Variants in NTM observed in about 807,000 individuals in gnomAD.
NTM encodes neurotrimin.
In NTM, 13 loss-of-function variants were observed where a neutral mutation model predicts 42.1. That is an observed-to-expected ratio of 0.31 (90% CI 0.20 to 0.49). The LOEUF is 0.49. Ranked by LOEUF, NTM falls within the 20% of genes least tolerant of loss-of-function variation. The pLI is 0.99. For synonymous variants in NTM, 187 were observed against 179.2 expected (o/e 1.04, Z -0.35); for missense variants, 373 against 452.8 (o/e 0.82, Z 1.60).
intron 1 of NTM, among the ~76,000 whole-genome samples, chr11:131,586,348 C>T (rs780955567): frequency 6.6e-5 from 10 of 152,108 alleles, no homozygotes; most frequent in African/African-American, 1.2e-4. Context: ...AGAATACAGC[C>T]GTAGTGATGG....
intron 1 of NTM, among the ~76,000 whole-genome samples, chr11:131,677,649 C>T (rs1310346094): frequency 6.6e-6 from 1 of 152,172 alleles, no homozygotes; most frequent in Non-Finnish European, 1.5e-5. Flanking sequence ...GAGGGTCAAG[C>T]GCTTTGCCAA....
intron 1 of NTM, chr11:131,767,169 C>A: frequency 1.0e-6 from 1 of 954,344 alleles, no homozygotes; most frequent in Non-Finnish European, 1.2e-6. Context: ...ACTAAATTCT[C>A]AAAGACAAAT....
chr11:131,711,262 A>G (rs1231341335), intron 1 of NTM, among the ~76,000 whole-genome samples: 2 of 152,210 alleles, frequency 1.3e-5, no homozygotes, highest in East Asian at 1.9e-4. Flanking sequence ...AGAATCTACA[A>G]TGAACCCAAA....
chr11:131,500,221 C>T (rs2136357392), intron 1 of NTM, among the ~76,000 whole-genome samples: 1 of 152,288 alleles, frequency 6.6e-6, no homozygotes, highest in East Asian at 1.9e-4. Context: ...CTGAGAAGTA[C>T]GCGGACTCAA....
chr11:131,694,106 G>A (rs538637586), intron 1 of NTM, among the ~76,000 whole-genome samples: 2 of 152,278 alleles, frequency 1.3e-5, no homozygotes, highest in East Asian at 3.9e-4. Context: ...CCCTGCCAAG[G>A]TTGCTGTGAA....
At chr11:131,800,202 T>A (rs2091984888) in intron 1 of NTM, among the ~76,000 whole-genome samples, 1 of 152,244 alleles carries the variant, frequency 6.6e-6, no homozygotes, top group Non-Finnish European at 1.5e-5. Context: ...ACTTTTGGAA[T>A]CCGAGAACAG....
intron 1 of NTM, among the ~76,000 whole-genome samples, chr11:131,558,577 C>T (rs1414123962): frequency 6.6e-6 from 1 of 152,134 alleles, no homozygotes; most frequent in Non-Finnish European, 1.5e-5. Flanking sequence ...TACGCGCATT[C>T]TATATTAAAA....
intron 2 of NTM, among the ~76,000 whole-genome samples, chr11:132,132,211 C>T (rs1026971114): frequency 1.3e-5 from 2 of 152,152 alleles, no homozygotes; most frequent in African/African-American, 4.8e-5. Flanking sequence ...CTCCTTCCAC[C>T]AGGGTGGGAA....
At chr11:131,645,599 C>G (rs1362904524) in intron 1 of NTM, among the ~76,000 whole-genome samples, 1 of 152,216 alleles carries the variant, frequency 6.6e-6, no homozygotes, top group Non-Finnish European at 1.5e-5. Flanking sequence ...TTCTATGAAG[C>G]CTTCATCTAA....
At chr11:132,325,068 T>C (rs2136337660) in intron 7 of NTM, among the ~76,000 whole-genome samples, 1 of 151,830 alleles carries the variant, frequency 6.6e-6, no homozygotes, top group Middle Eastern at 3.4e-3. Context: ...ATAAAAACCC[T>C]AGAAGAAAAC....
At chr11:131,810,016 G>A (rs562244312) in intron 1 of NTM, among the ~76,000 whole-genome samples, 4 of 152,300 alleles carry the variant, frequency 2.6e-5, no homozygotes, top group South Asian at 2.1e-4. Context: ...TCCAGATGGG[G>A]ATCTGTGACA....
At chr11:131,542,903 A>G (rs1258935793) in intron 1 of NTM, among the ~76,000 whole-genome samples, 43 of 152,120 alleles carry the variant, frequency 2.8e-4, no homozygotes. Flanking sequence ...AGTATGTCTG[A>G]CCTACACCCA....
At chr11:132,313,975 A>C (rs919209086) in intron 6 of NTM, among the ~76,000 whole-genome samples, 2 of 152,284 alleles carry the variant, frequency 1.3e-5, no homozygotes, top group Non-Finnish European at 2.9e-5. Context: ...GAGTCCCCTG[A>C]TGAGAAAAAT....
chr11:131,881,509 C>CACACACACACACA (rs372489485), intron 1 of NTM, among the ~76,000 whole-genome samples: 2 of 145,618 alleles, frequency 1.4e-5, no homozygotes, highest in East Asian at 2.0e-4. Context: ...CACACACACA[C>CACACACACACACA]CCCCCAAAGC....
At position 132,003,842 on chromosome 11, in the gene NTM, T is replaced by C. The variant is rs117407902; in HGVS notation, c.167+92194T>C. Among the ~76,000 whole-genome samples, 4,447 of 152,300 alleles carry C rather than the reference T, an allele frequency of 0.029. 83 individuals carry two copies. Among genetic ancestry groups the C allele is most frequent in the Middle Eastern group, 0.11 (32 of 294 alleles). ...CATTGAGATGTTGTTTAAAATTGAT[T>C]TCTCACCTAGCCACACAGATTATCT... On this transcript the variant is annotated intron_variant, in intron 2 of 8. Coordinates refer to ENST00000683400, the MANE Select transcript of NTM (RefSeq NM_001352005.2). The surrounding 1 kb of genome is among the most constrained non-coding windows in gnomAD (Gnocchi z 6.0).
chr11:131,376,327 A>G (rs1489912292), intron 1 of NTM, among the ~76,000 whole-genome samples: 1 of 152,124 alleles, frequency 6.6e-6, no homozygotes, highest in African/African-American at 2.4e-5. Context: ...AGCTTCTATA[A>G]GCTGTCTGTT....
intron 2 of NTM, among the ~76,000 whole-genome samples, chr11:132,074,071 A>G (rs2058055082): frequency 6.6e-6 from 1 of 152,240 alleles, no homozygotes. Context: ...ATCTCTCAGC[A>G]CAGATTCTCC....
At chr11:131,514,178 A>C (rs181186289) in intron 1 of NTM, among the ~76,000 whole-genome samples, 1 of 152,220 alleles carries the variant, frequency 6.6e-6, no homozygotes, top group Non-Finnish European at 1.5e-5. Flanking sequence ...CAGATTTCAG[A>C]GTCAGAGAAA....
chr11:131,816,869 G>A (rs1047504988), intron 1 of NTM, among the ~76,000 whole-genome samples: 9 of 151,980 alleles, frequency 5.9e-5, no homozygotes, highest in Non-Finnish European at 8.8e-5. Context: ...GGCACTCAAC[G>A]CACGTTAATT....
Sources: gnomAD v4.1 joint callset for allele counts (sites outside exome capture counted in the v4.1 genomes callset) on GRCh38, gnomAD v4.1.1 for gene constraint, Gnocchi (gnomAD v3.1) non-coding constraint, MANE v1.5 for transcripts, NCBI Gene and HGNC (gene_info 2026-07-23, HGNC 2026-07-21) for gene names.